Variants in COL6A2 observed in about 807,000 individuals in gnomAD.
COL6A2 encodes the protein collagen type VI alpha 2 chain, also known as collagen alpha-2(VI) chain.
Under a neutral mutation model 124.9 loss-of-function variants are expected in COL6A2, and 90 were observed. That is an observed-to-expected ratio of 0.72 (90% CI 0.61 to 0.86). The LOEUF (loss-of-function observed/expected upper bound fraction) is 0.86. Ranked by LOEUF, COL6A2 falls within the 40% of genes least tolerant of loss-of-function variation. The pLI is 0.00. For missense variants in COL6A2, 1,607 were observed against 1,502.5 expected (o/e 1.07, Z -1.15); for synonymous variants, 793 against 618.2 (o/e 1.28, Z -4.19).
At chr21:46,129,149 G>A (rs376541441) in intron 27 of COL6A2, 22 of 1,611,242 alleles carry the variant, frequency 1.4e-5, no homozygotes, top group Admixed American at 6.7e-5. Context: ...GCTCTAGGCC[G>A]ACGCCCACCG....
intron 1 of COL6A2, among the ~76,000 whole-genome samples, chr21:46,101,519 G>A (rs1305268327): frequency 1.3e-5 from 2 of 152,122 alleles, no homozygotes; most frequent in East Asian, 3.8e-4. Context: ...TCTTCTAAGG[G>A]TTTTAAAGTT....
intron 1 of COL6A2, among the ~76,000 whole-genome samples, chr21:46,106,481 G>A (rs2078336358): frequency 6.6e-6 from 1 of 152,234 alleles, no homozygotes; most frequent in Non-Finnish European, 1.5e-5. Flanking sequence ...GTCCAATTGT[G>A]AATGTTGAAT....
chr21:46,118,017 C>A, intron 12 of COL6A2, 81 bp downstream of exon 12: 4 of 1,390,036 alleles, frequency 2.9e-6, no homozygotes, highest in Non-Finnish European at 4.0e-6. Flanking sequence ...AGCTGAGAAG[C>A]TGAGCAGAGA....
At chr21:46,128,870 G>A (rs376840071) in intron 27 of COL6A2, 99 of 1,573,492 alleles carry the variant, frequency 6.3e-5, no homozygotes, top group Non-Finnish European at 8.1e-5. Context: ...GGCACTGGAA[G>A]CCCTACTGGA....
chr21:46,124,766 A>C, intron 22 of COL6A2, 53 bp downstream of exon 22: 2 of 1,604,086 alleles, frequency 1.2e-6, no homozygotes, highest in South Asian at 1.1e-5. Flanking sequence ...AGGCCAACAC[A>C]CACCCAAGCC....
intron 23 of COL6A2, 99 bp from the exon 24 acceptor site, chr21:46,125,167 C>T (rs779814810): frequency 6.1e-5 from 76 of 1,238,848 alleles, no homozygotes; most frequent in East Asian, 4.7e-4. Context: ...TGCCTCCACA[C>T]GTGGGCTGGA....
At chr21:46,130,533 G>A (rs892782624) in intron 27 of COL6A2, among the ~76,000 whole-genome samples, 1 of 151,982 alleles carries the variant, frequency 6.6e-6, no homozygotes, top group Non-Finnish European at 1.5e-5. Flanking sequence ...TGGGGATGAA[G>A]GATCCTCCAC....
At chr21:46,122,461 AGGCTGAGTCACCCT>A (rs755708014) in intron 19 of COL6A2, 21 bp from the exon 20 acceptor site, 1 of 1,612,818 alleles carries the variant, frequency 6.2e-7, no homozygotes, top group Non-Finnish European at 8.5e-7. Flanking sequence ...CTGGGATCTG[AGGCTGAGTCACCCT>A]GGCTTCTGTT....
In COL6A2 at chr21:46,119,695, G is replaced by C. The variant is rs2078529772; in HGVS notation, c.1270-93G>C. The C allele has an allele frequency of 1.3e-5, 15 of 1,168,848 alleles. No individual in the cohort carries two copies. In the South Asian group the frequency reaches 1.9e-4, roughly 15 times the overall value. 72.4% of individuals were successfully genotyped at this position (1,168,848 alleles called of 1,614,324 possible). On this transcript the variant is annotated intron_variant, in intron 14 of 27. Transcript: ENST00000300527. ...CCCAAAGCCAGAGCCCTCCTGTAGA[G>C]AAGGAGCATCGGCCCCGGCACAGCC...
intron 25 of COL6A2, 21 bp from the exon 26 acceptor site, chr21:46,125,764 C>T: frequency 1.9e-6 from 3 of 1,609,798 alleles, no homozygotes; most frequent in Non-Finnish European, 2.5e-6. Context: ...CTGGCAACGA[C>T]CTCACGCGTG....
rs886044428 is a variant in COL6A2, at chr21:46,120,538, C to T, written c.1356C>T (p.Pro452=). 13 of 1,480,938 alleles carry T rather than the reference C, an allele frequency of 8.8e-6. No individual in the cohort carries two copies. Among genetic ancestry groups the T allele is most frequent in the African/African-American group, 1.4e-5 (1 of 69,778 alleles). 91.7% of individuals were successfully genotyped at this position (1,480,938 alleles called of 1,614,324 possible). The part of the protein sequence containing the change: ...GEKGDPGPEG[P]RGLAGEVGNK... ...AGGGGGACCCTGGCCCTGAGGGGCCCCGCGGCCTGGCTGGAGAGGTTGGCA... is the reference window on the plus strand; with the variant it reads ...AGGGGGACCCTGGCCCTGAGGGGCCTCGCGGCCTGGCTGGAGAGGTTGGCA... The change falls in exon 16 of 28, where the codon CCC becomes CCT. Residue 452 remains proline, a synonymous_variant. Transcript: ENST00000300527.
intron 1 of COL6A2, among the ~76,000 whole-genome samples, chr21:46,099,574 G>A (rs1033500519): frequency 3.3e-5 from 5 of 151,814 alleles, no homozygotes; most frequent in African/African-American, 7.3e-5. Context: ...TTTATGCAAA[G>A]TCGGGCGCCT....
intron 27 of COL6A2, among the ~76,000 whole-genome samples, chr21:46,127,718 C>T (rs1312036184): frequency 9.8e-6 from 1 of 102,320 alleles, no homozygotes; most frequent in Non-Finnish European, 2.2e-5. Context: ...GGGTGCTTTG[C>T]TATCAGGTGG....
At chr21:46,119,755 C>CCCCT in intron 14 of COL6A2, 33 bp from the exon 15 acceptor site, 1 of 1,548,852 alleles carries the variant, frequency 6.5e-7, no homozygotes, top group Non-Finnish European at 8.7e-7. Context: ...TGGACTCAGC[C>CCCCT]CCCTCCCTCA....
chr21:46,129,674 C>T, intron 27 of COL6A2: 1 of 1,420,328 alleles, frequency 7.0e-7, no homozygotes, highest in Non-Finnish European at 9.2e-7. Flanking sequence ...CCACCGTGTC[C>T]CTTGCTGCGG....
In COL6A2 at chr21:46,112,102, A is replaced by G; in HGVS notation, c.239A>G (p.Gln80Arg). The G allele has an allele frequency of 6.2e-7, 1 of 1,613,212 alleles. No individual in the cohort carries two copies. Among genetic ancestry groups the G allele is most frequent in the Non-Finnish European group, 8.5e-7 (1 of 1,180,036 alleles). ...CAGTTCGTGCCGCAGTTCATCAGCC[A>G]GCTGCAGAACGAGTTCTACCTGGAC... The part of the protein sequence containing the change: ...MKQFVPQFIS[Q>R]LQNEFYLDQV... The change falls in exon 3 of 28, where the codon CAG becomes CGG. Residue 80 changes from glutamine to arginine, a missense_variant. Around this residue, in one of 3 missense-constraint regions of COL6A2, gnomAD observed 342 missense variants for 381.5 expected, o/e 0.90. Transcript: ENST00000300527.
chr21:46,107,536 C>G (rs1229099784), intron 1 of COL6A2, among the ~76,000 whole-genome samples: 1 of 152,126 alleles, frequency 6.6e-6, no homozygotes, highest in African/African-American at 2.4e-5. Context: ...CTTTTTCTTC[C>G]AGGCCCTCCC....
chr21:46,122,747 A>G, intron 20 of COL6A2, 128 bp from the exon 21 acceptor site: 1 of 1,096,058 alleles, frequency 9.1e-7, no homozygotes, highest in South Asian at 1.3e-5. Context: ...TTTGCAAAAA[A>G]ACCACATAGA....
intron 1 of COL6A2, among the ~76,000 whole-genome samples, chr21:46,107,489 T>C (rs973245040): frequency 6.6e-6 from 1 of 152,206 alleles, no homozygotes; most frequent in East Asian, 1.9e-4. Context: ...TGGGGAAAAT[T>C]TGCATCTGTA....
Sources: allele counts gnomAD v4.1 joint callset (sites outside exome capture counted in the v4.1 genomes callset), GRCh38; gene constraint gnomAD v4.1.1; regional missense constraint gnomAD v4.1.1; transcripts MANE v1.5; gene names NCBI Gene and HGNC (gene_info 2026-07-23, HGNC 2026-07-21).